Variants in TDP2 observed in about 807,000 individuals in gnomAD.
TDP2 encodes tyrosyl-DNA phosphodiesterase 2, also known as 5'-Tyr-DNA phosphodiesterase.
TDP2 carries 38 observed loss-of-function variants against 42.8 expected under a neutral mutation model. That is an observed-to-expected ratio of 0.89 (90% CI 0.68 to 1.16). The LOEUF is 1.16. Ranked by LOEUF, TDP2 falls within the 50% of genes most tolerant of loss-of-function variation. The pLI, the probability that TDP2 is intolerant of heterozygous loss-of-function variation, is 0.00. For synonymous variants in TDP2, 173 were observed against 150.6 expected (o/e 1.15, Z -1.09); for missense variants, 439 against 439.3 (o/e 1.00, Z 0.01).
chr6:24,654,912 C>T (rs567980015), intron 4 of TDP2, among the ~76,000 whole-genome samples: 2 of 152,286 alleles, frequency 1.3e-5, no homozygotes, highest in South Asian at 2.1e-4. Flanking sequence ...GTGGCACATG[C>T]CTGTAATCCC....
intron 5 of TDP2, among the ~76,000 whole-genome samples, chr6:24,654,211 A>G (rs1288433419): frequency 6.6e-6 from 1 of 152,224 alleles, no homozygotes; most frequent in Non-Finnish European, 1.5e-5. Flanking sequence ...TATTCTTAAG[A>G]AAACAATAGA....
Position 24,657,776 on chromosome 6 carries a change from C to T in TDP2, c.517+36G>A, listed in dbSNP as rs777421271. The stretch of plus-strand genomic sequence containing the variant: ...TTATCTCTTTCACTGATCTGTTTTT[C>T]AAAGAAAAGACAAGTTGAATAACAA... On this transcript the variant is annotated intron_variant, in intron 4 of 6. Transcript: ENST00000378198. 4.2e-5 allele frequency: 54 copies of T among 1,276,492 alleles called. No individual in the cohort carries two copies. In the African/African-American group the frequency reaches 8.0e-4, roughly 19 times the overall value. 79.1% of individuals were successfully genotyped at this position (1,276,492 alleles called of 1,614,324 possible).
intron 6 of TDP2, 126 bp downstream of exon 6, chr6:24,652,857 G>T: frequency 9.8e-7 from 1 of 1,025,240 alleles, no homozygotes; most frequent in Non-Finnish European, 1.5e-6. Context: ...TCGCTGAATT[G>T]CAAGGTCACT....
intron 5 of TDP2, 99 bp from the exon 6 acceptor site, chr6:24,653,252 T>A: frequency 8.0e-7 from 1 of 1,244,960 alleles, no homozygotes; most frequent in Non-Finnish European, 1.1e-6. Context: ...GGTATATATT[T>A]ACTAAACTGA....
intron 2 of TDP2, chr6:24,666,200 C>G: frequency 6.5e-7 from 1 of 1,550,380 alleles, no homozygotes; most frequent in Non-Finnish European, 8.7e-7. Flanking sequence ...TGCCATTTTT[C>G]GATAGAAGGT....
At position 24,650,992 on chromosome 6, in the gene TDP2, A is replaced by G. The variant is rs1777964501; in HGVS notation, c.885T>C (p.Tyr295=). ...TAGAGTTCATTTGTGTATCCCATGT[A>G]TACTGGCAATGTTTAGGTTTGCCCA... The part of the protein sequence containing the change: ...EFLGKPKHCQ[Y]TWDTQMNSNL... Residue 295 remains tyrosine (Y), a synonymous_variant, in exon 7 of 7, where the codon TAT becomes TAC. Coordinates refer to ENST00000378198, the MANE Select transcript of TDP2 (RefSeq NM_016614.3). 6.2e-7 allele frequency: 1 copy of G among 1,614,142 alleles called. No individual in the cohort carries two copies. Among genetic ancestry groups the G allele is most frequent in the Admixed American group, 1.7e-5 (1 of 60,028 alleles).
At chr6:24,654,022 C>A (rs1778019082) in intron 5 of TDP2, among the ~76,000 whole-genome samples, 1 of 152,170 alleles carries the variant, frequency 6.6e-6, no homozygotes, top group South Asian at 2.1e-4. Context: ...GGCACTTATG[C>A]CTTTCTTATG....
At chr6:24,666,647 G>A (rs1778248548) in intron 1 of TDP2, 36 bp from the exon 2 acceptor site, 6 of 1,613,948 alleles carry the variant, frequency 3.7e-6, no homozygotes, top group Middle Eastern at 1.7e-4. Flanking sequence ...AGGTTTGTGC[G>A]CTCCACCGAC....
In TDP2 at chr6:24,666,811, C is replaced by T; in HGVS notation, c.52G>A (p.Gly18Ser). The change falls in exon 1 of 7, where the codon GGC becomes AGC. Residue 18 changes from glycine to serine, a missense_variant. Physicochemically the swap from Gly to Ser is moderately conservative, Grantham distance 56. Transcript: ENST00000378198. ...EGGREAAEEE[G>S]EPEVKKRRLL... ...CGCCGCTTTTTCACCTCAGGCTCGC[C>T]CTCTTCCTCCGCCGCCTCCCTCCCG... 3 of 1,614,212 alleles carry T rather than the reference C, an allele frequency of 1.9e-6. No homozygotes were observed. The highest frequency in any genetic ancestry group is 1.7e-5 in the Admixed American group (1 of 60,034).
chr6:24,652,967 T>G lies in TDP2; in HGVS notation c.807+16A>C. 1 of 1,611,114 alleles carries G rather than the reference T, an allele frequency of 6.2e-7. No homozygotes were observed. The highest frequency in any genetic ancestry group is 8.5e-7 in the Non-Finnish European group (1 of 1,179,918). ...AATAATCTGTCCTCAAACATCAAAC[T>G]GACTTTGTCACTCACCTCTCGATCC... On this transcript the variant is annotated intron_variant, in intron 6 of 6. Coordinates refer to ENST00000378198, the MANE Select transcript of TDP2 (RefSeq NM_016614.3).
At chr6:24,655,751 A>G (rs1778052427) in intron 4 of TDP2, among the ~76,000 whole-genome samples, 1 of 152,198 alleles carries the variant, frequency 6.6e-6, no homozygotes, top group African/African-American at 2.4e-5. Context: ...AGGCAAAACA[A>G]GCACACCACC....
In TDP2 at chr6:24,666,570, G is replaced by T; in HGVS notation, c.207C>A (p.Ser69Arg). 2 of 1,614,154 alleles carry T rather than the reference G, an allele frequency of 1.2e-6. No homozygotes were observed. Among genetic ancestry groups the T allele is most frequent in the Non-Finnish European group, 1.7e-6 (2 of 1,179,988 alleles). Residue 69 changes from serine to arginine, a missense_variant, in exon 2 of 7, where the codon AGC becomes AGA. By Grantham distance (110) the Ser-to-Arg change is moderately radical. Transcript: ENST00000378198. ...NSYFEPPVEESALERRPETIS... is the reference protein window; with the variant it reads ...NSYFEPPVEERALERRPETIS... ...TGGTTTCAGGTCGGCGTTCCAAGGC[G>T]CTCTCCTCCACCGGAGGCTCGAAGT... is the stretch of plus-strand genomic sequence containing the variant.
chr6:24,659,572 A>G (rs1554188382), intron 2 of TDP2, among the ~76,000 whole-genome samples: 1 of 152,224 alleles, frequency 6.6e-6, no homozygotes, highest in Non-Finnish European at 1.5e-5. Context: ...CTTCAATGAC[A>G]TGTGTCACTA....
In TDP2 at chr6:24,650,716, C is replaced by T; in HGVS notation, c.*72G>A. The T allele has an allele frequency of 2.7e-6, 4 of 1,499,022 alleles. No individual in the cohort carries two copies. The highest frequency in any genetic ancestry group is 3.6e-6 in the Non-Finnish European group (4 of 1,098,912). 92.9% of individuals were successfully genotyped at this position (1,499,022 alleles called of 1,614,324 possible). ...ATCTAGTACATTATTTCCTCCACAG[C>T]AAACCTACCTTTCCAGAAGGTGGAA... On this transcript the variant is annotated 3_prime_UTR_variant, in exon 7 of 7. Transcript: ENST00000378198.
intron 4 of TDP2, 38 bp from the exon 5 acceptor site, chr6:24,654,568 G>T: frequency 8.9e-7 from 1 of 1,129,008 alleles, no homozygotes. Flanking sequence ...GGCTGAGAAG[G>T]TGAGAGTTAT....
In TDP2 at chr6:24,652,977, A is replaced by G; in HGVS notation, c.807+6T>C. The G allele has an allele frequency of 6.2e-7, 1 of 1,612,054 alleles. No individual in the cohort carries two copies. Among genetic ancestry groups the G allele is most frequent in the Non-Finnish European group, 8.5e-7 (1 of 1,179,960 alleles). On this transcript the variant is annotated splice_donor_region_variant and intron_variant, in intron 6 of 6. Coordinates refer to ENST00000378198, the MANE Select transcript of TDP2 (RefSeq NM_016614.3). ...CCTCAAACATCAAACTGACTTTGTC[A>G]CTCACCTCTCGATCCCTTAGATTTG...
At position 24,650,932 on chromosome 6, in the gene TDP2, A is replaced by C; in HGVS notation, c.945T>G (p.Phe315Leu). 1 of 1,614,190 alleles carries C rather than the reference A, an allele frequency of 6.2e-7. No homozygotes were observed. The highest frequency in any genetic ancestry group is 8.5e-7 in the Non-Finnish European group (1 of 1,180,028). The change falls in exon 7 of 7, where the codon TTT becomes TTG. Residue 315 changes from phenylalanine (F) to leucine (L), a missense_variant. Transcript: ENST00000378198. ...CTGCTGCTCTGAAAAATATTCGATC[A>C]AAACGAAGTTTACAAGCAGCAGTTA... ...LGITAACKLR[F>L]DRIFFRAAAE...
intron 2 of TDP2, among the ~76,000 whole-genome samples, chr6:24,660,202 T>C (rs1778118390): frequency 6.6e-6 from 1 of 152,238 alleles, no homozygotes; most frequent in South Asian, 2.1e-4. Context: ...TTCTGAACCA[T>C]TTGTTTAAAT....
intron 3 of TDP2, 114 bp downstream of exon 3, chr6:24,658,447 T>C (rs1042172099): frequency 1.3e-6 from 1 of 781,698 alleles, no homozygotes; most frequent in East Asian, 3.0e-5. Context: ...TTCAGATGTT[T>C]CTTCTCAGAG....
Sources: allele counts gnomAD v4.1 joint callset (sites outside exome capture counted in the v4.1 genomes callset), GRCh38; gene constraint gnomAD v4.1.1; transcripts MANE v1.5; gene names NCBI Gene and HGNC (gene_info 2026-07-23, HGNC 2026-07-21).